Variants in TAF15 observed in about 807,000 individuals in gnomAD.
TAF15 encodes the protein TATA-box binding protein associated factor 15, also known as TATA-binding protein-associated factor 2N.
A neutral mutation model predicts 102.5 loss-of-function variants in TAF15; 37 were observed. The observed-to-expected ratio is 0.36, with a 90% CI of 0.28 to 0.47. The LOEUF (loss-of-function observed/expected upper bound fraction) is 0.47, where lower values mean the gene tolerates loss of function less well. Among genes scored for constraint, TAF15 ranks in the 20% least tolerant of loss-of-function variants. The pLI is 0.99. For missense variants in TAF15, 652 were observed against 760.7 expected (o/e 0.86, Z 1.68); for synonymous variants, 273 against 259.2 (o/e 1.05, Z -0.51).
At chr17:35,845,520 T>C (rs1359358019) in intron 15 of TAF15, among the ~76,000 whole-genome samples, 1 of 152,108 alleles carries the variant, frequency 6.6e-6, no homozygotes, top group Non-Finnish European at 1.5e-5. Flanking sequence ...CCTCCCAAAG[T>C]GTTTGGATTA....
intron 7 of TAF15, chr17:35,833,636 T>C: frequency 2.5e-6 from 1 of 403,654 alleles, no homozygotes; most frequent in South Asian, 3.9e-5. Flanking sequence ...TTTAATAGTA[T>C]CCCTTTGGCT....
intron 1 of TAF15, chr17:35,810,380 C>T (rs1363127809): frequency 6.6e-6 from 1 of 152,472 alleles, no homozygotes; most frequent in Non-Finnish European, 1.5e-5. Flanking sequence ...AGAGGCCACC[C>T]ATTGTGTGGA....
chr17:35,841,559 A>C (rs1326247674), intron 11 of TAF15, among the ~76,000 whole-genome samples: 1 of 150,872 alleles, frequency 6.6e-6, no homozygotes, highest in Non-Finnish European at 1.5e-5. Flanking sequence ...GTGCCACCAC[A>C]CCCAGTTAAT....
chr17:35,827,026 G>A (rs1005199872), intron 7 of TAF15, among the ~76,000 whole-genome samples: 15 of 151,618 alleles, frequency 9.9e-5, no homozygotes, highest in Admixed American at 6.6e-4. Flanking sequence ...TTGCATTTAA[G>A]TACCAGAATA....
chr17:35,816,234 A>G (rs1308143993), intron 1 of TAF15, among the ~76,000 whole-genome samples: 3 of 152,236 alleles, frequency 2.0e-5, no homozygotes, highest in South Asian at 2.1e-4. Context: ...TTTGGTGGCA[A>G]TATTTTCATA....
chr17:35,834,023 A>G (rs2143801850), intron 8 of TAF15, 82 bp downstream of exon 8: 18 of 1,479,782 alleles, frequency 1.2e-5, no homozygotes, highest in Non-Finnish European at 1.6e-5. Flanking sequence ...GATGTAGTCA[A>G]AAGTCCTTTC....
intron 5 of TAF15, 139 bp downstream of exon 5, chr17:35,820,576 CTG>C: frequency 1.4e-6 from 1 of 705,698 alleles, no homozygotes; most frequent in Non-Finnish European, 2.4e-6. Flanking sequence ...GATTTTACAA[CTG>C]TATATTATGG....
At position 35,836,260 on chromosome 17, in the gene TAF15, T is replaced by C. The variant is rs1364546662; in HGVS notation, c.783+19T>C. 1 of 1,487,228 alleles carries C rather than the reference T, an allele frequency of 6.7e-7. No individual in the cohort carries two copies. Among genetic ancestry groups the C allele is most frequent in the East Asian group, 2.3e-5 (1 of 44,106 alleles). 92.1% of individuals were successfully genotyped at this position (1,487,228 alleles called of 1,614,324 possible). ...TATCAAGGTGAGTAAAAATATTATA[T>C]GTTGAAAATCTCATAATTAATGTTC... On this transcript the variant is annotated intron_variant, in intron 10 of 15. Coordinates refer to ENST00000605844, the MANE Select transcript of TAF15 (RefSeq NM_139215.3).
At position 35,817,761 on chromosome 17, in the gene TAF15, GTATACA is replaced by G. The variant is rs1223320007; in HGVS notation, c.47+9_47+14del. ...TCTGGGGGTGAGCAGCAAAGGTAAA[GTATACA>G]TACATTTTAATAATATGAAAGGGTA... On this transcript the variant is annotated splice_region_variant and intron_variant, in intron 2 of 15. Coordinates refer to ENST00000605844, the MANE Select transcript of TAF15 (RefSeq NM_139215.3). The G allele has an allele frequency of 6.2e-7, 1 of 1,612,870 alleles. No homozygotes were observed. The highest frequency in any genetic ancestry group is 2.2e-5 in the East Asian group (1 of 44,864).
At chr17:35,829,631 CAA>C (rs746776421) in intron 7 of TAF15, among the ~76,000 whole-genome samples, 20 of 33,102 alleles carry the variant, frequency 6.0e-4, no homozygotes, top group South Asian at 2.5e-3. Context: ...GACTCCATCT[CAA>C]AAAAAAAAAA....
intron 1 of TAF15, among the ~76,000 whole-genome samples, chr17:35,814,095 T>G (rs1026739129): frequency 2.0e-5 from 3 of 152,048 alleles, no homozygotes; most frequent in Non-Finnish European, 2.9e-5. Flanking sequence ...TTTGTAGAGA[T>G]AGGATCTTTC....
At chr17:35,836,319 C>T (rs1042024406) in intron 10 of TAF15, 78 bp downstream of exon 10, 5 of 1,043,400 alleles carry the variant, frequency 4.8e-6, no homozygotes, top group African/African-American at 3.2e-5. Flanking sequence ...AGTAAGCCTA[C>T]ATACTTCAGT....
intron 15 of TAF15, 39 bp downstream of exon 15, chr17:35,845,077 C>G (rs1303188147): frequency 6.2e-7 from 1 of 1,611,342 alleles, no homozygotes; most frequent in South Asian, 1.1e-5. Flanking sequence ...TTTTACCTCA[C>G]TGCACCTAGA....
At chr17:35,823,984 AGGATATGTGT>A in intron 6 of TAF15, 84 bp from the exon 7 acceptor site, 1 of 1,502,186 alleles carries the variant, frequency 6.7e-7, no homozygotes, top group African/African-American at 1.4e-5. Context: ...ATTTTCTATA[AGGATATGTGT>A]GGCCTAAAGA....
intron 13 of TAF15, 26 bp downstream of exon 13, chr17:35,844,184 G>C (rs1280453456): frequency 1.2e-6 from 2 of 1,613,810 alleles, no homozygotes; most frequent in Non-Finnish European, 1.7e-6. Flanking sequence ...ACTTTGGTGA[G>C]AGTAGGGGTT....
At chr17:35,826,505 G>T (rs560616097) in intron 7 of TAF15, among the ~76,000 whole-genome samples, 2 of 151,794 alleles carry the variant, frequency 1.3e-5, no homozygotes, top group Admixed American at 6.6e-5. Context: ...AATAAACAGA[G>T]TTGTGTTCCA....
intron 11 of TAF15, among the ~76,000 whole-genome samples, chr17:35,839,223 G>A (rs1388307905): frequency 6.6e-6 from 1 of 150,816 alleles, no homozygotes; most frequent in Non-Finnish European, 1.5e-5. Flanking sequence ...CGTGGCTGCA[G>A]TGAGCTGTGA....
chr17:35,846,860 C>T (rs751216294), intron 15 of TAF15, 46 bp from the exon 16 acceptor site: 12 of 1,608,522 alleles, frequency 7.5e-6, no homozygotes, highest in Middle Eastern at 1.6e-4. Context: ...GCTCCCCCTT[C>T]GTAGAAAATT....
Position 35,844,510 on chromosome 17 carries a change from G to T in TAF15, c.1211G>T (p.Gly404Val). The T allele has an allele frequency of 6.2e-7, 1 of 1,612,422 alleles. No homozygotes were observed. Among genetic ancestry groups the T allele is most frequent in the Non-Finnish European group, 8.5e-7 (1 of 1,178,830 alleles). Reference sequence around the variant, plus strand: ...GGGAGAGGCTACGGTGGAGAGAGGGGCTACAGAGGTCGTGGGGGCAGAGGT... The same window carrying T: ...GGGAGAGGCTACGGTGGAGAGAGGGTCTACAGAGGTCGTGGGGGCAGAGGT... ...FRGRGYGGER[G>V]YRGRGGRGGD... Residue 404 changes from glycine (G) to valine (V), a missense_variant, in exon 15 of 16, where the codon GGC (glycine) becomes GTC (valine). Coordinates refer to ENST00000605844, the MANE Select transcript of TAF15 (RefSeq NM_139215.3).
Sources: allele counts gnomAD v4.1 joint callset (sites outside exome capture counted in the v4.1 genomes callset), GRCh38; gene constraint gnomAD v4.1.1; transcripts MANE v1.5; gene names NCBI Gene and HGNC (gene_info 2026-07-23, HGNC 2026-07-21).